OTULINL: variants seen among roughly 807,000 people sequenced by gnomAD.
The protein encoded by OTULINL is OTU deubiquitinase with linear linkage specificity like.
A neutral mutation model predicts 43.9 loss-of-function variants in OTULINL; 42 were observed. The observed-to-expected ratio is 0.96, with a 90% CI of 0.75 to 1.24. The LOEUF (loss-of-function observed/expected upper bound fraction) is 1.24. OTULINL is among the 50% of genes most tolerant of loss of function. OTULINL has a pLI of 0.00. For missense variants in OTULINL, 411 were observed against 426.4 expected (o/e 0.96, Z 0.32); for synonymous variants, 172 against 153.6 (o/e 1.12, Z -0.88).
chr5:14,588,236 T>C (rs1759141045), intron 1 of OTULINL, among the ~76,000 whole-genome samples: 1 of 152,196 alleles, frequency 6.6e-6, no homozygotes, highest in Non-Finnish European at 1.5e-5. Context: ...AACATAACTC[T>C]GAAACATATT....
At chr5:14,599,636 C>G (rs577855395) in intron 1 of OTULINL, among the ~76,000 whole-genome samples, 1 of 152,202 alleles carries the variant, frequency 6.6e-6, no homozygotes, top group African/African-American at 2.4e-5. Flanking sequence ...TGGAGTTAAT[C>G]ACTGGAATTT....
intron 6 of OTULINL, among the ~76,000 whole-genome samples, chr5:14,608,440 G>A (rs1434252775): frequency 6.6e-6 from 1 of 152,140 alleles, no homozygotes; most frequent in Non-Finnish European, 1.5e-5. Flanking sequence ...TCTTATAAGA[G>A]TAGCAGGTCC....
chr5:14,601,462 G>T lies in OTULINL; in HGVS notation c.348+20G>T, dbSNP rs951389976. ...AGGAAGGTGTGTCTGTTTTTAGAGG[G>T]TATGGGAGAAATAGAGTTTGTCTGT... On this transcript the variant is annotated intron_variant, in intron 4 of 7. Transcript: ENST00000274217. The T allele has an allele frequency of 6.3e-7, 1 of 1,590,002 alleles. No individual in the cohort carries two copies. The highest frequency in any genetic ancestry group is 1.7e-5 in the Admixed American group (1 of 58,212).
chr5:14,582,920 C>T (rs1579912077), intron 1 of OTULINL, among the ~76,000 whole-genome samples: 2 of 151,528 alleles, frequency 1.3e-5, no homozygotes, highest in East Asian at 1.9e-4. Context: ...GGCTCGGTAG[C>T]GGGGTCCTCT....
At chr5:14,595,380 A>G (rs1446617448) in intron 1 of OTULINL, among the ~76,000 whole-genome samples, 2 of 152,294 alleles carry the variant, frequency 1.3e-5, no homozygotes, top group East Asian at 3.9e-4. Context: ...GGCAAACCAG[A>G]CGCTGCTGAG....
intron 1 of OTULINL, among the ~76,000 whole-genome samples, chr5:14,590,947 A>G (rs752968415): frequency 2.6e-5 from 4 of 152,234 alleles, no homozygotes; most frequent in African/African-American, 9.6e-5. Context: ...AGTTTTGCAC[A>G]GGAGATGATA....
At chr5:14,584,756 G>C (rs1185044184) in intron 1 of OTULINL, among the ~76,000 whole-genome samples, 1 of 152,170 alleles carries the variant, frequency 6.6e-6, no homozygotes, top group Admixed American at 6.5e-5. Context: ...CTCCTATGTA[G>C]ATGTGTCTGC....
At chr5:14,589,251 G>A (rs1466329505) in intron 1 of OTULINL, among the ~76,000 whole-genome samples, 1 of 152,160 alleles carries the variant, frequency 6.6e-6, no homozygotes, top group African/African-American at 2.4e-5. Context: ...GAGGAAAACA[G>A]GGATTTGCTC....
In OTULINL at chr5:14,614,139, T is replaced by G. The variant is rs1427176997; in HGVS notation, c.*3825T>G. Among the ~76,000 whole-genome samples, 2 of 152,258 alleles carry G rather than the reference T, an allele frequency of 1.3e-5. No homozygotes were observed. The highest frequency in any genetic ancestry group is 4.8e-5 in the African/African-American group (2 of 41,468). On this transcript the variant is annotated 3_prime_UTR_variant, in exon 8 of 8. Coordinates refer to ENST00000274217, the MANE Select transcript of OTULINL (RefSeq NM_019018.3). ...GCAAATTTCTAAAGCTGTATGATTC[T>G]CTTTGCAAGAATGTTTTTCACACTG...
Position 14,610,531 on chromosome 5 carries a change from G to A in OTULINL, c.*217G>A, listed in dbSNP as rs750237264. Reference sequence around the variant, plus strand: ...GCTGCACTGATACATTTGGGAGTTGGTGGCTTGACTTTGTCCATAAGGGGC... The same window carrying A: ...GCTGCACTGATACATTTGGGAGTTGATGGCTTGACTTTGTCCATAAGGGGC... On this transcript the variant is annotated 3_prime_UTR_variant, in exon 8 of 8. Coordinates refer to ENST00000274217, the MANE Select transcript of OTULINL (RefSeq NM_019018.3). 1.0e-5 allele frequency: 5 copies of A among 480,778 alleles called. No homozygotes were observed. Among genetic ancestry groups the A allele is most frequent in the African/African-American group, 1.9e-5 (1 of 52,208 alleles). 29.8% of individuals were successfully genotyped at this position (480,778 alleles called of 1,614,324 possible). A position where few individuals can be genotyped will look rare whatever the true frequency, so the allele number is the denominator to read the frequency against.
At chr5:14,585,109 T>C (rs971625752) in intron 1 of OTULINL, among the ~76,000 whole-genome samples, 3 of 151,998 alleles carry the variant, frequency 2.0e-5, no homozygotes, top group South Asian at 4.2e-4. Context: ...GCCTTCAAGG[T>C]CTTTACTCTC....
intron 1 of OTULINL, among the ~76,000 whole-genome samples, chr5:14,600,753 A>G (rs751673271): frequency 6.6e-6 from 1 of 152,190 alleles, no homozygotes; most frequent in Non-Finnish European, 1.5e-5. Flanking sequence ...GGTCTTGTAT[A>G]TGGTGCTGAT....
Position 14,593,997 on chromosome 5 carries a change from T to G in OTULINL, c.65-6968T>G, listed in dbSNP as rs190395809. Among the ~76,000 whole-genome samples, 75 of 152,376 alleles carry G rather than the reference T, an allele frequency of 4.9e-4. No homozygotes were observed. The Middle Eastern group carries it at 0.01, about 21-fold the overall frequency. On this transcript the variant is annotated intron_variant, in intron 1 of 7. Transcript: ENST00000274217. ...TGATATTGATCTTGTAGTTGTTGGT[T>G]ATTGTATTCTACTAAGTGGAAGACT...
Position 14,614,383 on chromosome 5 carries a change from C to A in OTULINL, c.*4069C>A. The A allele has an allele frequency of 2.6e-6, 1 of 387,194 alleles. No homozygotes were observed. The highest frequency in any genetic ancestry group is 4.5e-6 in the Non-Finnish European group (1 of 219,790). 24.0% of individuals were successfully genotyped at this position (387,194 alleles called of 1,614,324 possible). On this transcript the variant is annotated 3_prime_UTR_variant, in exon 8 of 8. Coordinates refer to ENST00000274217, the MANE Select transcript of OTULINL (RefSeq NM_019018.3). ...GACAAATTAGCTATTCATTTTCCTT[C>A]AAATCCTGTTTTTATCACAATGTCC...
chr5:14,594,315 T>C (rs1759252355), intron 1 of OTULINL, among the ~76,000 whole-genome samples: 1 of 152,242 alleles, frequency 6.6e-6, no homozygotes, highest in Non-Finnish European at 1.5e-5. Context: ...GTTTGTGTAG[T>C]GCTTAATTTA....
intron 5 of OTULINL, among the ~76,000 whole-genome samples, chr5:14,604,730 C>T (rs1027713056): frequency 1.3e-5 from 2 of 152,224 alleles, no homozygotes; most frequent in African/African-American, 4.8e-5. Context: ...CAAAATCCAG[C>T]AGGGCAGTCA....
At chr5:14,609,797 ATTTTTTG>A (rs1759546983) in intron 7 of OTULINL, among the ~76,000 whole-genome samples, 1 of 151,988 alleles carries the variant, frequency 6.6e-6, no homozygotes, top group Non-Finnish European at 1.5e-5. Flanking sequence ...CGCCCGGCTA[ATTTTTTG>A]TATTTTTAGT....
At chr5:14,589,843 TGGG>T (rs1266234546) in intron 1 of OTULINL, among the ~76,000 whole-genome samples, 1 of 151,860 alleles carries the variant, frequency 6.6e-6, no homozygotes, top group Non-Finnish European at 1.5e-5. Flanking sequence ...TCCCAACTAT[TGGG>T]GGGCTGAGGC....
intron 1 of OTULINL, among the ~76,000 whole-genome samples, chr5:14,586,510 T>A (rs1334879834): frequency 6.6e-6 from 1 of 152,232 alleles, no homozygotes; most frequent in African/African-American, 2.4e-5. Flanking sequence ...GCACATAAAA[T>A]GCTATGCTTG....
Sources: gnomAD v4.1 joint callset for allele counts (sites outside exome capture counted in the v4.1 genomes callset) on GRCh38, gnomAD v4.1.1 for gene constraint, MANE v1.5 for transcripts, NCBI Gene and HGNC (gene_info 2026-07-23, HGNC 2026-07-21) for gene names.